Variants in RIF1 observed in about 807,000 individuals in gnomAD.
The protein encoded by RIF1 is replication timing regulatory factor 1, also known as telomere-associated protein RIF1.
In RIF1, 45 loss-of-function variants were observed where a neutral mutation model predicts 247.1. The observed-to-expected ratio is 0.18, with a 90% CI of 0.14 to 0.23. The LOEUF (loss-of-function observed/expected upper bound fraction) is 0.23. Among genes scored for constraint, RIF1 ranks in the 10% least tolerant of loss-of-function variants. The probability of loss-of-function intolerance (pLI) is 1.00; values close to 1 mark genes in which losing one functional copy is unlikely to be tolerated. For missense variants in RIF1, 2,967 were observed against 2,862.5 expected (o/e 1.04, Z -0.83); for synonymous variants, 1,087 against 978.8 (o/e 1.11, Z -2.06).
At chr2:151,514,321 A>G in the RIF1 span, 1 of 1,606,330 alleles carries the variant, frequency 6.2e-7, no homozygotes, top group Non-Finnish European at 8.5e-7. Context: ...GGCCTACCTC[A>G]TTGAGGATTT....
chr2:151,532,089 A>C, the RIF1 span: 10 of 483,462 alleles, frequency 2.1e-5, no homozygotes, highest in Admixed American at 1.9e-4. Context: ...ACTACTACTA[A>C]TAATTTCCTT....
chr2:151,497,663 A>G, intron 10 of RIF1: 2 of 1,585,424 alleles, frequency 1.3e-6, no homozygotes, highest in Non-Finnish European at 1.7e-6. Flanking sequence ...GACTCTTTCC[A>G]TCTCGGGAGT....
chr2:151,431,827 G>A (rs1157878747), intron 9 of RIF1, among the ~76,000 whole-genome samples: 1 of 133,302 alleles, frequency 7.5e-6, no homozygotes, highest in Non-Finnish European at 1.7e-5. Flanking sequence ...AAAAAGAATA[G>A]GAGACCCCAA....
chr2:151,440,235 G>A (rs1241329629), intron 15 of RIF1, 108 bp downstream of exon 15: 4 of 670,144 alleles, frequency 6.0e-6, no homozygotes, highest in South Asian at 3.4e-5. Flanking sequence ...TTTATATCAA[G>A]CATTCATCAG....
chr2:151,431,971 A>G (rs1229501190), intron 9 of RIF1, among the ~76,000 whole-genome samples: 3 of 152,148 alleles, frequency 2.0e-5, no homozygotes, highest in African/African-American at 7.2e-5. Flanking sequence ...CACCAAATAC[A>G]TGGCCTGATT....
intron 20 of RIF1, among the ~76,000 whole-genome samples, chr2:151,447,609 G>A (rs764925263): frequency 3.3e-5 from 5 of 152,122 alleles, no homozygotes; most frequent in Non-Finnish European, 7.4e-5. Context: ...GCAGTGGCAC[G>A]ATCTCAGCTC....
In RIF1 at chr2:151,454,972, G is replaced by C. The variant is rs775284876; in HGVS notation, c.2422G>C (p.Val808Leu). The change falls in exon 22 of 36, where the codon GTG becomes CTG. Residue 808 changes from valine (V) to leucine (L), a missense_variant. Physicochemically the swap from Val to Leu is conservative, Grantham distance 32. Coordinates refer to ENST00000444746, the MANE Select transcript of RIF1 (RefSeq NM_018151.5). The stretch of plus-strand genomic sequence containing the variant: ...ATTGACTTCTTTATTTAAACTTATT[G>C]TGAAAGTGATCTATTCTTTCCACAC... ...GKLTSLFKLI[V>L]KVIYSFHTLS... 1 of 1,613,390 alleles carries C rather than the reference G, an allele frequency of 6.2e-7. No homozygotes were observed. The highest frequency in any genetic ancestry group is 8.5e-7 in the Non-Finnish European group (1 of 1,179,608).
At chr2:151,428,710 G>A (rs1689544711) in intron 8 of RIF1, 74 bp from the exon 9 acceptor site, 2 of 1,170,108 alleles carry the variant, frequency 1.7e-6, no homozygotes, top group Non-Finnish European at 2.5e-6. Context: ...TTAAGTGAAT[G>A]AATAAAGGAA....
At chr2:151,438,627 A>G (rs16830036) in intron 13 of RIF1, 57 bp from the exon 14 acceptor site, 280,260 of 1,057,776 alleles carry the variant, frequency 0.26, 39,145 homozygotes, top group Admixed American at 0.38. Context: ...AGTGTTAGTC[A>G]TAGTACGTAG....
At chr2:151,421,874 G>A (rs1688231160) in intron 7 of RIF1, among the ~76,000 whole-genome samples, 1 of 148,068 alleles carries the variant, frequency 6.8e-6, no homozygotes, top group South Asian at 2.1e-4. Context: ...CGCAATTGTT[G>A]CCCAGGCTGG....
rs377611023 is a variant in RIF1 at position 151,429,069 on chromosome 2, G to A, written c.925+147G>A. 49 of 589,958 alleles carry A rather than the reference G, an allele frequency of 8.3e-5. No homozygotes were observed. The African/African-American group carries it at 9.0e-4, about 11-fold the overall frequency. The allele number at this position is 589,958 out of a possible 1,614,324, so 36.5% of individuals were successfully genotyped here. A position where few individuals can be genotyped will look rare whatever the true frequency, so the allele number is the denominator to read the frequency against. ...ATTTTAAGGGAACAGGAATAAATTT[G>A]TACTGAAAATAGAATTCACATACTA... On this transcript the variant is annotated intron_variant, in intron 9 of 35. Coordinates refer to ENST00000444746, the MANE Select transcript of RIF1 (RefSeq NM_018151.5).
the RIF1 span, among the ~76,000 whole-genome samples, chr2:151,515,317 G>GA: frequency 2.6e-5 from 4 of 152,132 alleles, no homozygotes; most frequent in Non-Finnish European, 4.4e-5. Context: ...GAGGCAAGGG[G>GA]AAAAAAATCG....
chr2:151,421,217 G>T (rs1192559303), intron 7 of RIF1, among the ~76,000 whole-genome samples: 1 of 152,226 alleles, frequency 6.6e-6, no homozygotes, highest in South Asian at 2.1e-4. Flanking sequence ...AGATAATTAA[G>T]TACATAGTGT....
At chr2:151,514,332 G>A in the RIF1 span, 1 of 1,611,354 alleles carries the variant, frequency 6.2e-7, no homozygotes, top group Non-Finnish European at 8.5e-7. Flanking sequence ...TTGAGGATTT[G>A]AGTGGCATTC....
intron 2 of RIF1, among the ~76,000 whole-genome samples, chr2:151,410,939 C>G (rs1252646363): frequency 6.6e-6 from 1 of 152,014 alleles, no homozygotes; most frequent in African/African-American, 2.4e-5. Context: ...TAGAAATGTA[C>G]TAAAGTTTTG....
chr2:151,494,280 G>A (rs1464525800), intron 9 of RIF1: 5 of 1,473,838 alleles, frequency 3.4e-6, no homozygotes, highest in Admixed American at 4.0e-5. Flanking sequence ...GGTCCAAAAA[G>A]CCAAAAAGAA....
intron 5 of RIF1, 47 bp downstream of exon 5, chr2:151,416,735 A>G: frequency 6.2e-7 from 1 of 1,602,394 alleles, no homozygotes; most frequent in Non-Finnish European, 8.5e-7. Flanking sequence ...TGCCAATTAA[A>G]AGAAAAAACT....
At chr2:151,493,484 GAAA>G in intron 9 of RIF1, 1 of 1,365,986 alleles carries the variant, frequency 7.3e-7, no homozygotes, top group Non-Finnish European at 1.0e-6. Context: ...TCAGACAGCA[GAAA>G]ACCAGGTCTG....
chr2:151,445,113 A>T (rs1693020511), intron 18 of RIF1, among the ~76,000 whole-genome samples: 6 of 152,160 alleles, frequency 3.9e-5, no homozygotes, highest in Non-Finnish European at 1.5e-5. Flanking sequence ...TGTTCATTGG[A>T]TTGGGGCTGA....
Sources: gnomAD v4.1 joint callset for allele counts (sites outside exome capture counted in the v4.1 genomes callset) on GRCh38, gnomAD v4.1.1 for gene constraint, MANE v1.5 for transcripts, NCBI Gene and HGNC (gene_info 2026-07-23, HGNC 2026-07-21) for gene names.